SFTPB: variants seen among roughly 807,000 people sequenced by gnomAD.
SFTPB encodes pulmonary surfactant-associated protein B.
SFTPB carries 32 observed loss-of-function variants against 51.0 expected under a neutral mutation model. The observed-to-expected ratio is 0.63, with a 90% CI of 0.47 to 0.84. SFTPB has a LOEUF of 0.84. Among genes scored for constraint, SFTPB ranks in the 40% least tolerant of loss-of-function variants. The pLI is 0.00. For synonymous variants in SFTPB, 211 were observed against 208.5 expected (o/e 1.01, Z -0.10); for missense variants, 431 against 491.2 (o/e 0.88, Z 1.16).
intron 10 of SFTPB, among the ~76,000 whole-genome samples, chr2:85,660,698 G>T (rs1449193264): frequency 6.6e-6 from 1 of 151,718 alleles, no homozygotes; most frequent in Non-Finnish European, 1.5e-5. Flanking sequence ...CAGGTGATCT[G>T]CCTGCCTCGG....
chr2:85,663,900 C>T, intron 6 of SFTPB, 53 bp from the exon 7 acceptor site: 2 of 1,512,972 alleles, frequency 1.3e-6, no homozygotes. Context: ...GGCAAGCCTC[C>T]ACTCTCTGCC....
Position 85,663,860 on chromosome 2 carries a change from C to G in SFTPB, c.673-13G>C, listed in dbSNP as rs1427166834. Reference sequence around the variant, plus strand: ...CAGCTAGCGCACCCTGGGGCGGGGGCGGAGAGAGGCCAGCATGGGACCTTC... The same window carrying G: ...CAGCTAGCGCACCCTGGGGCGGGGGGGGAGAGAGGCCAGCATGGGACCTTC... On this transcript the variant is annotated splice_polypyrimidine_tract_variant and intron_variant, in intron 6 of 10. Coordinates refer to ENST00000519937, the MANE Select transcript of SFTPB (RefSeq NM_000542.5). 2 of 1,571,462 alleles carry G rather than the reference C, an allele frequency of 1.3e-6. No homozygotes were observed. The highest frequency in any genetic ancestry group is 2.3e-5 in the East Asian group (1 of 43,248).
At chr2:85,666,788 C>G in intron 3 of SFTPB, 46 bp from the exon 4 acceptor site, 1 of 1,612,598 alleles carries the variant, frequency 6.2e-7, no homozygotes, top group Non-Finnish European at 8.5e-7. Context: ...CTGAGGTCTA[C>G]CCCGCCCAAG....
chr2:85,665,178 TG>T, intron 6 of SFTPB, 110 bp downstream of exon 6: 1 of 883,732 alleles, frequency 1.1e-6, no homozygotes, highest in Non-Finnish European at 1.9e-6. Flanking sequence ...TCCTAACTTC[TG>T]GCAGCCAGCT....
rs758367650 is a variant in SFTPB, at chr2:85,663,745, C to T, written c.775G>A (p.Asp259Asn). The T allele has an allele frequency of 1.2e-5, 20 of 1,610,634 alleles. No homozygotes were observed. Among genetic ancestry groups the T allele is most frequent in the East Asian group, 2.2e-5 (1 of 44,704 alleles). ...LAERYSVILL[D>N]TLLGRMLPQL... ...GGCAGCATGCGGCCCAGCAGCGTGT[C>T]GAGCAGGATGACGGAGTAGCGCTCA... is the stretch of plus-strand genomic sequence containing the variant. The change falls in exon 7 of 11, where the codon GAC becomes AAC. Residue 259 changes from aspartate to asparagine, a missense_variant. Physicochemically the swap from Asp to Asn is conservative, Grantham distance 23. Coordinates refer to ENST00000519937, the MANE Select transcript of SFTPB (RefSeq NM_000542.5).
intron 8 of SFTPB, among the ~76,000 whole-genome samples, chr2:85,662,930 C>T (rs1295083288): frequency 6.6e-6 from 1 of 152,028 alleles, no homozygotes; most frequent in Non-Finnish European, 1.5e-5. Context: ...CCAGCCCTCT[C>T]CTTTTGCCAA....
chr2:85,668,243 G>T (rs546582871), upstream of SFTPB: 5 of 1,499,622 alleles, frequency 3.3e-6, no homozygotes, highest in South Asian at 6.0e-5. Flanking sequence ...TGGGCGGGGC[G>T]TGGGGGCTCT....
chr2:85,665,433 G>A lies in SFTPB; in HGVS notation c.583-55C>T, dbSNP rs1677523009. On this transcript the variant is annotated intron_variant, in intron 5 of 10. Transcript: ENST00000519937. ...TGGGTGCTGGGAGAAGAGTCCTCCA[G>A]GCTCTCCTCCCCTCTCTCTTCCTCC... is the stretch of plus-strand genomic sequence containing the variant. 4 of 1,494,550 alleles carry A rather than the reference G, an allele frequency of 2.7e-6. No individual in the cohort carries two copies. In the South Asian group the frequency reaches 3.4e-5, roughly 13 times the overall value. The allele number at this position is 1,494,550 out of a possible 1,614,324, so 92.6% of individuals were successfully genotyped here. A position where few individuals can be genotyped will look rare whatever the true frequency, so the allele number is the denominator to read the frequency against.
chr2:85,666,270 TGTGGGTA>T (rs1488071745), intron 4 of SFTPB, among the ~76,000 whole-genome samples: 234 of 135,406 alleles, frequency 1.7e-3, no homozygotes, highest in Admixed American at 2.6e-3. Flanking sequence ...TGGGGTACTG[TGTGGGTA>T]TGTGTCTGGA....
intron 4 of SFTPB, 95 bp from the exon 5 acceptor site, chr2:85,665,889 A>G (rs1347948827): frequency 4.2e-6 from 5 of 1,201,474 alleles, no homozygotes; most frequent in African/African-American, 1.5e-5. Flanking sequence ...CTGGAATGGG[A>G]GGAAGCAGGC....
chr2:85,666,420 G>C (rs1677619932), intron 4 of SFTPB, 197 bp downstream of exon 4: 1 of 538,420 alleles, frequency 1.9e-6, no homozygotes, highest in East Asian at 3.5e-5. Context: ...GCCAGCTGGG[G>C]TGTTGTGTGT....
chr2:85,666,329 C>CTG (rs1303030073), intron 4 of SFTPB, among the ~76,000 whole-genome samples: 1 of 114,524 alleles, frequency 8.7e-6, no homozygotes, highest in Non-Finnish European at 1.8e-5. Context: ...GGCTGGGGTA[C>CTG]TGTGTGTGTG....
At chr2:85,662,400 AAACTT>A in intron 8 of SFTPB, 1 of 863,218 alleles carries the variant, frequency 1.2e-6, no homozygotes, top group Non-Finnish European at 1.6e-6. Flanking sequence ...TTCTAGAAGG[AAACTT>A]AACGTTCATC....
Position 85,657,934 on chromosome 2 carries a change from C to CTTCTA in SFTPB, c.*1767_*1768insTAGAA, listed in dbSNP as rs374853987. The stretch of plus-strand genomic sequence containing the variant: ...GGGTGGGGAGAATATTACAAAGCAC[C>CTTCTA]TTCTCAAGGGTGGGGAAGGTGTATT... On this transcript the variant is annotated 3_prime_UTR_variant, in exon 11 of 11. Coordinates refer to ENST00000519937, the MANE Select transcript of SFTPB (RefSeq NM_000542.5). 6.6e-6 allele frequency: 1 copy of CTTCTA among 152,078 alleles called. No homozygotes were observed. The highest frequency in any genetic ancestry group is 2.4e-5 in the African/African-American group (1 of 41,386). 9.4% of individuals were successfully genotyped at this position (152,078 alleles called of 1,614,324 possible). A position where few individuals can be genotyped will look rare whatever the true frequency, so the allele number is the denominator to read the frequency against.
chr2:85,667,571 T>C, intron 2 of SFTPB, 108 bp downstream of exon 2: 2 of 1,382,156 alleles, frequency 1.4e-6, no homozygotes, highest in East Asian at 2.3e-5. Context: ...TCCCATTTCA[T>C]CTCATCCATC....
Position 85,660,444 on chromosome 2 carries a change from C to CTTTTT in SFTPB, c.*20-767_*20-763dup, listed in dbSNP as rs67187198. Among the ~76,000 whole-genome samples, 344 of 97,436 alleles carry CTTTTT rather than the reference C, an allele frequency of 3.5e-3. 17 individuals are homozygous for CTTTTT. Among genetic ancestry groups the CTTTTT allele is most frequent in the Middle Eastern group, 0.017 (2 of 120 alleles). 63.9% of individuals were successfully genotyped at this position (97,436 alleles called of 152,430 possible). A position where few individuals can be genotyped will look rare whatever the true frequency, so the allele number is the denominator to read the frequency against. Reference sequence around the variant, plus strand: ...GCCACTGCGCCCAGCAAAGAAATACCTTTTTTTTTTTTTTTTTTTTCCTGA... The same window carrying CTTTTT: ...GCCACTGCGCCCAGCAAAGAAATACCTTTTTTTTTTTTTTTTTTTTTTTTTCCTGA... On this transcript the variant is annotated intron_variant, in intron 10 of 10. Transcript: ENST00000519937.
At chr2:85,659,981 G>A (rs1242547075) in intron 10 of SFTPB, among the ~76,000 whole-genome samples, 1 of 152,120 alleles carries the variant, frequency 6.6e-6, no homozygotes, top group African/African-American at 2.4e-5. Flanking sequence ...CTCCCACAGG[G>A]GCTTGTGATG....
rs903364847 is a variant in SFTPB, at chr2:85,657,601, C to T, written c.*2101G>A. 17 of 152,180 alleles carry T rather than the reference C, an allele frequency of 1.1e-4. No individual in the cohort carries two copies. Among genetic ancestry groups the T allele is most frequent in the African/African-American group, 4.1e-4 (17 of 41,442 alleles). The allele number at this position is 152,180 out of a possible 1,614,324, so 9.4% of individuals were successfully genotyped here. A position where few individuals can be genotyped will look rare whatever the true frequency, so the allele number is the denominator to read the frequency against. ...CCCAAGCTCAGTGTCAAAACACACA[C>T]CCTGCCGTAGCTCTCTCCTGGGCTA... On this transcript the variant is annotated 3_prime_UTR_variant, in exon 11 of 11. Coordinates refer to ENST00000519937, the MANE Select transcript of SFTPB (RefSeq NM_000542.5).
chr2:85,664,650 C>A (rs926580237), intron 6 of SFTPB, among the ~76,000 whole-genome samples: 1 of 152,174 alleles, frequency 6.6e-6, no homozygotes, highest in Non-Finnish European at 1.5e-5. Flanking sequence ...TTAGTAGAGA[C>A]GGGGTTTCGC....
Sources: allele counts gnomAD v4.1 joint callset (sites outside exome capture counted in the v4.1 genomes callset), GRCh38; gene constraint gnomAD v4.1.1; transcripts MANE v1.5; gene names NCBI Gene and HGNC (gene_info 2026-07-23, HGNC 2026-07-21).